Variants in NAV3 observed in about 807,000 individuals in gnomAD.
NAV3 encodes the protein neuron navigator 3.
A neutral mutation model predicts 244.7 loss-of-function variants in NAV3; 87 were observed. That is an observed-to-expected ratio of 0.36 (90% CI 0.30 to 0.42). The LOEUF is 0.42. Ranked by LOEUF, NAV3 falls within the 20% of genes least tolerant of loss-of-function variation. The pLI is 1.00. For missense variants in NAV3, 2,663 were observed against 2,893.3 expected, an observed-to-expected ratio of 0.92 and a Z score of 1.83; for synonymous variants, 1,126 against 1,042.2, an observed-to-expected ratio of 1.08 and a Z score of -1.55.
chr12:78,067,108 TATCTC>T, intron 12 of NAV3, among the ~76,000 whole-genome samples: 1 of 152,170 alleles, frequency 6.6e-6, no homozygotes, highest in Admixed American at 6.5e-5. Context: ...GCCAAGCAAA[TATCTC>T]TGGGATCAGG....
At chr12:78,037,469 A>G in intron 9 of NAV3, 3 of 607,162 alleles carry the variant, frequency 4.9e-6, no homozygotes, top group Non-Finnish European at 8.9e-6. Flanking sequence ...CATTTGCCAA[A>G]TAGCTTTCAT....
chr12:78,010,319 C>T (rs933984297), intron 8 of NAV3, among the ~76,000 whole-genome samples: 1 of 152,002 alleles, frequency 6.6e-6, no homozygotes, highest in Non-Finnish European at 1.5e-5. Flanking sequence ...CTATAAAATC[C>T]CTGACAATTA....
chr12:77,770,336 C>A (rs1249579842), intron 2 of NAV3, among the ~76,000 whole-genome samples: 2 of 152,132 alleles, frequency 1.3e-5, no homozygotes, highest in African/African-American at 4.8e-5. Flanking sequence ...TCTGGATGAA[C>A]AGACGGCTGA....
intron 2 of NAV3, among the ~76,000 whole-genome samples, chr12:77,771,571 ATAC>A (rs1395564006): frequency 2.6e-5 from 4 of 152,210 alleles, no homozygotes; most frequent in Non-Finnish European, 5.9e-5. Context: ...ACACCATGGA[ATAC>A]TATGCAGCCA....
intron 2 of NAV3, among the ~76,000 whole-genome samples, chr12:77,734,251 A>G (rs1202744602): frequency 6.6e-6 from 1 of 151,834 alleles, no homozygotes; most frequent in Non-Finnish European, 1.5e-5. Context: ...ATTTTCGATG[A>G]ACCAGTCATT....
chr12:77,777,299 T>C (rs1024850749), intron 2 of NAV3, among the ~76,000 whole-genome samples: 1 of 152,222 alleles, frequency 6.6e-6, no homozygotes, highest in Admixed American at 6.5e-5. Context: ...GAAAGTTATG[T>C]GAATATGATC....
intron 5 of NAV3, among the ~76,000 whole-genome samples, chr12:77,977,530 C>A (rs1425644964): frequency 6.6e-6 from 1 of 152,130 alleles, no homozygotes; most frequent in African/African-American, 2.4e-5. Flanking sequence ...CATCCACTAA[C>A]AATTTCCAAT....
chr12:77,676,254 A>G (rs1592570610), intron 2 of NAV3, among the ~76,000 whole-genome samples: 1 of 151,296 alleles, frequency 6.6e-6, no homozygotes, highest in South Asian at 2.1e-4. Flanking sequence ...CTTGCCCCCC[A>G]CCCACCAACA....
intron 7 of NAV3, among the ~76,000 whole-genome samples, chr12:78,004,317 G>A (rs13377771): frequency 0.037 from 5,690 of 152,234 alleles, 357 homozygotes; most frequent in African/African-American, 0.13. Flanking sequence ...GGTGGAGTTG[G>A]CAATGGTGAG....
At position 78,050,925 on chromosome 12, in the gene NAV3, G is replaced by T. The variant is rs751080496; in HGVS notation, c.2294G>T (p.Arg765Leu). ...DAPSLGAGYP[R>L]SGTSRFIHTD... Reference sequence around the variant, plus strand: ...CCCTCCCTGGGTGCTGGCTATCCTCGCAGTGGTACCAGTCGATTCATCCAC... The same window carrying T: ...CCCTCCCTGGGTGCTGGCTATCCTCTCAGTGGTACCAGTCGATTCATCCAC... The change falls in exon 11 of 40, where the codon CGC becomes CTC. Residue 765 changes from arginine to leucine, a missense_variant. Arg to Leu is a moderately radical substitution (Grantham distance 102). Transcript: ENST00000397909. 12 of 1,613,846 alleles carry T rather than the reference G, an allele frequency of 7.4e-6. No homozygotes were observed. Among genetic ancestry groups the T allele is most frequent in the Non-Finnish European group, 1.0e-5 (12 of 1,179,992 alleles).
At chr12:77,938,422 T>A (rs1211990077) in intron 1 of NAV3, among the ~76,000 whole-genome samples, 2 of 152,174 alleles carry the variant, frequency 1.3e-5, no homozygotes, top group Non-Finnish European at 2.9e-5. Context: ...ATAGAGATCA[T>A]GGATATTAAT....
At chr12:78,084,355 A>G (rs757047870) in intron 12 of NAV3, among the ~76,000 whole-genome samples, 1 of 152,104 alleles carries the variant, frequency 6.6e-6, no homozygotes, top group African/African-American at 2.4e-5. Context: ...TCAGTTAAAT[A>G]TCCAAGGCTA....
intron 9 of NAV3, among the ~76,000 whole-genome samples, chr12:78,033,715 C>G (rs959746785): frequency 3.9e-5 from 6 of 152,156 alleles, no homozygotes; most frequent in African/African-American, 1.4e-4. Flanking sequence ...TAAGCCTTCT[C>G]TACAATCCCC....
chr12:77,692,481 T>G (rs1875079979), intron 2 of NAV3, among the ~76,000 whole-genome samples: 1 of 152,024 alleles, frequency 6.6e-6, no homozygotes, highest in Non-Finnish European at 1.5e-5. Flanking sequence ...GCTGTACTAA[T>G]GACTAATTTA....
chr12:77,733,714 A>G (rs1162380801), intron 2 of NAV3, among the ~76,000 whole-genome samples: 1 of 152,012 alleles, frequency 6.6e-6, no homozygotes, highest in Non-Finnish European at 1.5e-5. Flanking sequence ...GAAACCAACA[A>G]AGCATGGCTT....
At chr12:77,594,696 G>T (rs1384809613) in intron 2 of NAV3, among the ~76,000 whole-genome samples, 1 of 152,030 alleles carries the variant, frequency 6.6e-6, no homozygotes, top group Non-Finnish European at 1.5e-5. Flanking sequence ...TTTCCCCCCA[G>T]GATCTCCTTA....
intron 33 of NAV3, among the ~76,000 whole-genome samples, chr12:78,188,999 T>A (rs1454859051): frequency 6.6e-6 from 1 of 151,890 alleles, no homozygotes; most frequent in Non-Finnish European, 1.5e-5. Flanking sequence ...GGTTCTGGGA[T>A]TTGAAGATTC....
chr12:77,971,415 A>T (rs910921937), intron 5 of NAV3, among the ~76,000 whole-genome samples: 2 of 152,094 alleles, frequency 1.3e-5, no homozygotes, highest in African/African-American at 4.8e-5. Flanking sequence ...TCTTACTTTT[A>T]GAGAATTTTT....
At chr12:78,138,629 T>A (rs1004628062) in intron 19 of NAV3, among the ~76,000 whole-genome samples, 1 of 152,190 alleles carries the variant, frequency 6.6e-6, no homozygotes, top group African/African-American at 2.4e-5. Flanking sequence ...GTAAGGACCC[T>A]GCTTTCTGAA....
Sources: allele counts gnomAD v4.1 joint callset (sites outside exome capture counted in the v4.1 genomes callset), GRCh38; gene constraint gnomAD v4.1.1; transcripts MANE v1.5; gene names NCBI Gene and HGNC (gene_info 2026-07-23, HGNC 2026-07-21).